Variants in CYSTM1 observed in about 807,000 individuals in gnomAD.
The protein encoded by CYSTM1 is cysteine-rich transmembrane module-containing protein 1.
In CYSTM1, 4 loss-of-function variants were observed where a neutral mutation model predicts 13.1. That is an observed-to-expected ratio of 0.31 (90% confidence interval 0.15 to 0.70). CYSTM1 has a LOEUF of 0.70. Among genes scored for constraint, CYSTM1 ranks in the 30% least tolerant of loss-of-function variants. The pLI is 0.72. For missense variants in CYSTM1, 96 were observed against 121.6 expected, an observed-to-expected ratio of 0.79 and a Z score of 0.99; for synonymous variants, 36 against 42.7, an observed-to-expected ratio of 0.84 and a Z score of 0.62.
At chr5:140,215,581 A>G (rs1764416523) in intron 2 of CYSTM1, among the ~76,000 whole-genome samples, 1 of 151,960 alleles carries the variant, frequency 6.6e-6, no homozygotes, top group African/African-American at 2.4e-5. Context: ...AAAGTAAATA[A>G]TATGCATAAT....
At chr5:140,205,542 C>CA in intron 2 of CYSTM1, among the ~76,000 whole-genome samples, 1 of 152,152 alleles carries the variant, frequency 6.6e-6, no homozygotes, top group Non-Finnish European at 1.5e-5. Flanking sequence ...CCAACAAGGA[C>CA]ACTGCTTAGT....
At chr5:140,212,441 T>A (rs777467371) in intron 2 of CYSTM1, among the ~76,000 whole-genome samples, 3 of 152,166 alleles carry the variant, frequency 2.0e-5, no homozygotes, top group African/African-American at 7.2e-5. Flanking sequence ...TTATGTACGG[T>A]ACATAATACT....
intron 2 of CYSTM1, among the ~76,000 whole-genome samples, chr5:140,229,264 A>G (rs1764594136): frequency 6.6e-6 from 1 of 151,532 alleles, no homozygotes; most frequent in African/African-American, 2.4e-5. Flanking sequence ...GCGTGATCTC[A>G]TCTCACTGCA....
Position 140,202,396 on chromosome 5 carries a change from C to G in CYSTM1, c.187+7744C>G, listed in dbSNP as rs546277881. Reference sequence around the variant, plus strand: ...CAAAAGGTCCATTTGGCAGCCAGATCTTGCCAGAGCAGAATTTAAGGCATT... The same window carrying G: ...CAAAAGGTCCATTTGGCAGCCAGATGTTGCCAGAGCAGAATTTAAGGCATT... On this transcript the variant is annotated intron_variant, in intron 2 of 2. Transcript: ENST00000261811. 2.0e-5 allele frequency: 3 copies of G among 152,164 alleles called. No individual in the cohort carries two copies. The East Asian group carries it at 5.8e-4, about 29-fold the overall frequency. 9.4% of individuals were successfully genotyped at this position (152,164 alleles called of 1,614,324 possible).
Position 140,243,373 on chromosome 5 carries a change from GCT to G in CYSTM1, c.261_262del (p.Cys88LeufsTer36), listed in dbSNP as rs753907883. On this transcript the variant is annotated frameshift_variant, in exon 3 of 3. Coordinates refer to ENST00000261811, the MANE Select transcript of CYSTM1 (RefSeq NM_032412.4). LOFTEE classifies it high-confidence loss of function. Reference sequence around the variant, plus strand: ...CACCTGCCTCACAGCCTGCTGGACGGCTCTCTGTTGCTGCTGTCTCTGGGACA... The same window carrying G: ...CACCTGCCTCACAGCCTGCTGGACGGCTCTGTTGCTGCTGTCTCTGGGACA... ...PSTCLTACWT[A>X]LCCCCLWDML... 6 of 1,614,064 alleles carry G rather than the reference GCT, an allele frequency of 3.7e-6. No homozygotes were observed. The highest frequency in any genetic ancestry group is 1.1e-5 in the South Asian group (1 of 91,078).
intron 2 of CYSTM1, among the ~76,000 whole-genome samples, chr5:140,204,183 G>A (rs531157043): frequency 1.5e-4 from 23 of 152,008 alleles, no homozygotes; most frequent in Non-Finnish European, 2.8e-4. Context: ...CCTAGGCACC[G>A]TACTAAGACA....
chr5:140,243,136 T>C (rs1253782744), intron 2 of CYSTM1, among the ~76,000 whole-genome samples, 169 bp from the exon 3 acceptor site: 1 of 152,202 alleles, frequency 6.6e-6, no homozygotes, highest in African/African-American at 2.4e-5. Context: ...GCAGCTGAGC[T>C]GAGCCACCCT....
chr5:140,175,931 G>A lies in CYSTM1; in HGVS notation c.-21+646G>A, dbSNP rs1680746659. ...GTGAAATCTGAGCGGGGTCCTGACG[G>A]GTGGGAACTAATCTCCCGGTAGCAG... On this transcript the variant is annotated intron_variant, in intron 1 of 2. Coordinates refer to ENST00000261811, the MANE Select transcript of CYSTM1 (RefSeq NM_032412.4). The surrounding 1 kb of genome is among the most constrained non-coding windows in gnomAD (Gnocchi z 4.9). Among the ~76,000 whole-genome samples, 2 of 152,198 alleles carry A rather than the reference G, an allele frequency of 1.3e-5. No homozygotes were observed. Among genetic ancestry groups the A allele is most frequent in the Non-Finnish European group, 2.9e-5 (2 of 68,030 alleles).
intron 2 of CYSTM1, among the ~76,000 whole-genome samples, chr5:140,238,014 C>T (rs1764704737): frequency 2.6e-5 from 4 of 152,338 alleles, no homozygotes; most frequent in Non-Finnish European, 5.9e-5. Flanking sequence ...AGAGCAATGG[C>T]AACCTGAATG....
chr5:140,190,731 C>CT (rs1474982603), intron 1 of CYSTM1, among the ~76,000 whole-genome samples: 2 of 152,206 alleles, frequency 1.3e-5, no homozygotes, highest in African/African-American at 4.8e-5. Context: ...TCCCGTGACT[C>CT]TGAGTATGTC....
At position 140,192,220 on chromosome 5, in the gene CYSTM1, T is replaced by C. The variant is rs142258075; in HGVS notation, c.-20-2226T>C. On this transcript the variant is annotated intron_variant, in intron 1 of 2. Transcript: ENST00000261811. The stretch of plus-strand genomic sequence containing the variant: ...CCTCCTTCTACTAGGTTTAAGCGCC[T>C]ACTCCTACCCAGCAGTCTGTTTACC... Among the ~76,000 whole-genome samples the C allele has an allele frequency of 6.5e-3, 993 of 152,338 alleles. 7 individuals carry two copies. The highest frequency in any genetic ancestry group is 0.022 in the African/African-American group (924 of 41,578).
rs1250518918 is a variant in CYSTM1, at chr5:140,243,253, G to C, written c.188-52G>C. ...GGTCCTGGGAGGCTAACTTTGCAGG[G>C]CCTGGGGTTTGCACCAGTCCATTCT... On this transcript the variant is annotated intron_variant, in intron 2 of 2. Transcript: ENST00000261811. 3 of 1,518,018 alleles carry C rather than the reference G, an allele frequency of 2.0e-6. No individual in the cohort carries two copies. In the African/African-American group the frequency reaches 4.1e-5, roughly 21 times the overall value. The allele number at this position is 1,518,018 out of a possible 1,614,324, so 94.0% of individuals were successfully genotyped here. A position where few individuals can be genotyped will look rare whatever the true frequency, so the allele number is the denominator to read the frequency against.
At chr5:140,218,025 A>G (rs1764451738) in intron 2 of CYSTM1, among the ~76,000 whole-genome samples, 1 of 152,088 alleles carries the variant, frequency 6.6e-6, no homozygotes, top group African/African-American at 2.4e-5. Context: ...CATGGGAGAA[A>G]AGTGGTGACT....
At chr5:140,208,712 C>CAAAAAAAAA (rs1764327345) in intron 2 of CYSTM1, among the ~76,000 whole-genome samples, 1 of 152,076 alleles carries the variant, frequency 6.6e-6, no homozygotes, top group African/African-American at 2.4e-5. Context: ...TATGTACCCA[C>CAAAAAAAAA]AAAAATTAAA....
intron 2 of CYSTM1, among the ~76,000 whole-genome samples, chr5:140,235,557 C>T (rs778503432): frequency 8.5e-5 from 13 of 152,100 alleles, no homozygotes; most frequent in Non-Finnish European, 1.9e-4. Flanking sequence ...AGGCGCCCGC[C>T]ACCATGTCTG....
Position 140,243,318 on chromosome 5 carries a change from AG to A in CYSTM1, c.202del (p.Asp68ThrfsTer7). 1.2e-6 allele frequency: 2 copies of A among 1,614,020 alleles called. No homozygotes were observed. Among genetic ancestry groups the A allele is most frequent in the Non-Finnish European group, 1.7e-6 (2 of 1,179,936 alleles). On this transcript the variant is annotated frameshift_variant, in exon 3 of 3. Transcript: ENST00000261811. LOFTEE classifies it high-confidence loss of function. ...TTCTCCCTCCAGTGTATGTGGTAGA[AG>A]ACCAAAGAAGAGATGAGCTAGGACC... Reference protein sequence around the residue: ...PPKTTVYVVEDQRRDELGPST... With the variant: ...PPKTTVYVVEXQRRDELGPST...
At chr5:140,208,223 A>G (rs1764321443) in intron 2 of CYSTM1, among the ~76,000 whole-genome samples, 1 of 152,260 alleles carries the variant, frequency 6.6e-6, no homozygotes, top group Non-Finnish European at 1.5e-5. Flanking sequence ...GGATTTTAAA[A>G]AAATGTGGTA....
At chr5:140,200,974 A>G (rs1055259382) in intron 2 of CYSTM1, 1 of 152,224 alleles carries the variant, frequency 6.6e-6, no homozygotes, top group African/African-American at 2.4e-5. Flanking sequence ...ACTTAGCTTG[A>G]TATTTCCAGG....
At chr5:140,207,171 A>T (rs1009228965) in intron 2 of CYSTM1, among the ~76,000 whole-genome samples, 4 of 152,282 alleles carry the variant, frequency 2.6e-5, no homozygotes, top group Non-Finnish European at 5.9e-5. Flanking sequence ...CTGGACACAT[A>T]TATACCTTTT....
Sources: gnomAD v4.1 joint callset for allele counts (sites outside exome capture counted in the v4.1 genomes callset) on GRCh38, gnomAD v4.1.1 for gene constraint, Gnocchi (gnomAD v3.1) non-coding constraint, MANE v1.5 for transcripts, NCBI Gene and HGNC (gene_info 2026-07-23, HGNC 2026-07-21) for gene names.